Variants in TENM3 observed in about 807,000 individuals in gnomAD.
The protein encoded by TENM3 is teneurin-3.
TENM3 carries 63 observed loss-of-function variants against 255.1 expected under a neutral mutation model. That is an observed-to-expected ratio of 0.25 (90% confidence interval 0.20 to 0.30). The LOEUF is 0.30. Ranked by LOEUF, TENM3 falls within the 10% of genes least tolerant of loss-of-function variation. TENM3 has a pLI of 1.00. For missense variants in TENM3, 2,929 were observed against 3,461.1 expected, an observed-to-expected ratio of 0.85 and a Z score of 3.86; for synonymous variants, 1,306 against 1,322.3, an observed-to-expected ratio of 0.99 and a Z score of 0.27.
intron 3 of TENM3, among the ~76,000 whole-genome samples, chr4:182,449,384 C>T (rs897073404): frequency 2.0e-5 from 3 of 152,150 alleles, no homozygotes; most frequent in Admixed American, 2.0e-4. Flanking sequence ...TGAACTTTCT[C>T]GATGACTCTT....
At chr4:181,519,660 A>G in the TENM3 span, among the ~76,000 whole-genome samples, 1 of 152,182 alleles carries the variant, frequency 6.6e-6, no homozygotes, top group South Asian at 2.1e-4. Context: ...TTGTTACATC[A>G]TTTTTATTTA....
At chr4:181,867,317 C>G in the TENM3 span, among the ~76,000 whole-genome samples, 2 of 152,088 alleles carry the variant, frequency 1.3e-5, no homozygotes, top group Non-Finnish European at 2.9e-5. Flanking sequence ...TTTTGTCCCC[C>G]GGACTTGGGC....
chr4:182,778,716 A>G (rs140511206), intron 24 of TENM3, among the ~76,000 whole-genome samples: 24 of 152,270 alleles, frequency 1.6e-4, no homozygotes, highest in Admixed American at 2.6e-4. Context: ...TGTTGTGATT[A>G]ATTACAATCA....
chr4:181,590,950 A>AT, the TENM3 span, among the ~76,000 whole-genome samples: 14 of 152,304 alleles, frequency 9.2e-5, no homozygotes, highest in Non-Finnish European at 1.0e-4. Context: ...TGTCTAAAAC[A>AT]TTTTTTGATA....
chr4:182,679,505 A>G (rs1005006913), intron 7 of TENM3, among the ~76,000 whole-genome samples, 161 bp from the exon 8 acceptor site: 1 of 152,222 alleles, frequency 6.6e-6, no homozygotes, highest in East Asian at 1.9e-4. Flanking sequence ...TCCTCCTTGT[A>G]AATGCTATGC....
Position 182,788,826 on chromosome 4 carries a change from C to A in TENM3, c.5305-267C>A, listed in dbSNP as rs75962294. On this transcript the variant is annotated intron_variant, in intron 24 of 27. Transcript: ENST00000511685. Reference sequence around the variant, plus strand: ...GAGCTCCTGAACAAACTTTAAGACACATACATTTTGGTATTTTTCTTATCA... The same window carrying A: ...GAGCTCCTGAACAAACTTTAAGACAAATACATTTTGGTATTTTTCTTATCA... Among the ~76,000 whole-genome samples, 918 of 152,288 alleles carry A rather than the reference C, an allele frequency of 6.0e-3. 8 individuals carry two copies. The highest frequency in any genetic ancestry group is 0.021 in the African/African-American group (877 of 41,546).
At chr4:182,409,999 G>A (rs1197869559) in intron 3 of TENM3, among the ~76,000 whole-genome samples, 3 of 151,836 alleles carry the variant, frequency 2.0e-5, no homozygotes, top group African/African-American at 4.8e-5. Context: ...CTAATTTTTT[G>A]TATTTCTGGT....
At chr4:182,305,765 A>T (rs1253683624) in intron 1 of TENM3, among the ~76,000 whole-genome samples, 1 of 152,132 alleles carries the variant, frequency 6.6e-6, no homozygotes, top group African/African-American at 2.4e-5. Flanking sequence ...TGTGTATGTG[A>T]CTTTGCAGCA....
chr4:182,377,061 C>A (rs17073201), intron 3 of TENM3, among the ~76,000 whole-genome samples: 2,880 of 152,244 alleles, frequency 0.019, 61 homozygotes, highest in South Asian at 0.043. Context: ...TCTCCTTCCA[C>A]TCTTAAACAT....
the TENM3 span, among the ~76,000 whole-genome samples, chr4:182,084,291 G>C: frequency 6.6e-6 from 1 of 152,096 alleles, no homozygotes; most frequent in African/African-American, 2.4e-5. Flanking sequence ...CGGTAGCTTT[G>C]AGTGCTTGAC....
the TENM3 span, among the ~76,000 whole-genome samples, chr4:182,053,164 G>T: frequency 1.3e-5 from 2 of 152,124 alleles, no homozygotes; most frequent in African/African-American, 4.8e-5. Flanking sequence ...ATACTCCCAG[G>T]CTATCTCAGG....
the TENM3 span, among the ~76,000 whole-genome samples, chr4:181,702,189 A>G: frequency 6.4e-4 from 98 of 152,340 alleles, no homozygotes; most frequent in African/African-American, 2.2e-3. Flanking sequence ...AACTGAGGCT[A>G]TGGACAACGT....
intron 1 of TENM3, chr4:182,169,371 G>T (rs775074969): frequency 4.4e-6 from 2 of 457,318 alleles, no homozygotes; most frequent in South Asian, 3.2e-5. Flanking sequence ...GAGACAGCAG[G>T]ATTCTCCCAA....
chr4:182,465,912 AT>A, intron 3 of TENM3, among the ~76,000 whole-genome samples: 1 of 152,190 alleles, frequency 6.6e-6, no homozygotes, highest in Middle Eastern at 3.4e-3. Context: ...GTTTTCTTCT[AT>A]TTTTTTAATA....
chr4:182,504,192 T>C (rs905447984), intron 3 of TENM3, among the ~76,000 whole-genome samples: 22 of 151,960 alleles, frequency 1.4e-4, no homozygotes, highest in African/African-American at 2.9e-4. Context: ...TTTTTTTTTT[T>C]TCTTAAATTT....
chr4:181,576,985 A>C, the TENM3 span, among the ~76,000 whole-genome samples: 5 of 129,240 alleles, frequency 3.9e-5, no homozygotes, highest in African/African-American at 1.5e-4. Flanking sequence ...GGCTAATATT[A>C]TATATATTAT....
chr4:181,955,382 C>A, the TENM3 span, among the ~76,000 whole-genome samples: 2 of 152,260 alleles, frequency 1.3e-5, no homozygotes, highest in South Asian at 2.1e-4. Context: ...GATGCTCAAG[C>A]CTCCCTGAAG....
chr4:182,389,399 A>G (rs1182991818), intron 3 of TENM3, among the ~76,000 whole-genome samples: 1 of 146,174 alleles, frequency 6.8e-6, no homozygotes, highest in Non-Finnish European at 1.5e-5. Flanking sequence ...AAAAAAAAAA[A>G]GAACTATGCC....
intron 13 of TENM3, among the ~76,000 whole-genome samples, chr4:182,726,424 G>T (rs1476715560): frequency 7.2e-6 from 1 of 139,154 alleles, no homozygotes; most frequent in East Asian, 2.1e-4. Flanking sequence ...TGCTCCGCTT[G>T]CCTGGGGATG....
Sources: allele counts gnomAD v4.1 joint callset (sites outside exome capture counted in the v4.1 genomes callset), GRCh38; gene constraint gnomAD v4.1.1; transcripts MANE v1.5; gene names NCBI Gene and HGNC (gene_info 2026-07-23, HGNC 2026-07-21).